Variants in COQ8A observed in about 807,000 individuals in gnomAD.
COQ8A encodes atypical kinase COQ8A, mitochondrial.
A neutral mutation model predicts 65.0 loss-of-function variants in COQ8A; 51 were observed. That is an observed-to-expected ratio of 0.78 (90% CI 0.63 to 0.99). The LOEUF is 0.99. Ranked by LOEUF, COQ8A falls within the 50% of genes least tolerant of loss-of-function variation. COQ8A has a pLI of 0.00. For missense variants in COQ8A, 940 were observed against 875.0 expected (o/e 1.07, Z -0.94); for synonymous variants, 371 against 353.2 (o/e 1.05, Z -0.57).
chr1:226,971,969 A>C (rs867932272), intron 4 of COQ8A, among the ~76,000 whole-genome samples: 9 of 152,130 alleles, frequency 5.9e-5, no homozygotes, highest in African/African-American at 9.7e-5. Context: ...CTCCAATTAC[A>C]CATATGTTAG....
intron 1 of COQ8A, among the ~76,000 whole-genome samples, chr1:226,951,137 G>A (rs1057182232): frequency 3.3e-5 from 5 of 152,174 alleles, no homozygotes; most frequent in African/African-American, 7.2e-5. Context: ...AGCAGCGTGC[G>A]TCCCTGTCTG....
At chr1:226,977,601 G>GCT in intron 5 of COQ8A, 78 bp downstream of exon 5, 1 of 1,469,654 alleles carries the variant, frequency 6.8e-7, no homozygotes, top group Non-Finnish European at 9.3e-7. Flanking sequence ...CCCCACCTGT[G>GCT]CTCTGGGAGT....
intron 1 of COQ8A, among the ~76,000 whole-genome samples, chr1:226,943,802 A>G (rs922075397): frequency 2.0e-5 from 3 of 152,170 alleles, no homozygotes; most frequent in Non-Finnish European, 2.9e-5. Flanking sequence ...CAATCAAGCT[A>G]TAGAACAATT....
chr1:226,983,294 T>C (rs1430365053), intron 8 of COQ8A: 1 of 669,062 alleles, frequency 1.5e-6, no homozygotes, highest in Non-Finnish European at 2.5e-6. Context: ...GACAAGTGAT[T>C]GCTTTTTGGG....
chr1:226,969,612 A>G (rs1051151916), intron 4 of COQ8A, among the ~76,000 whole-genome samples: 5 of 152,140 alleles, frequency 3.3e-5, no homozygotes, highest in African/African-American at 1.2e-4. Flanking sequence ...ATCTCTGTGA[A>G]AGTCCTCATT....
At chr1:226,981,241 G>A (rs1050056691) in intron 5 of COQ8A, among the ~76,000 whole-genome samples, 1 of 152,246 alleles carries the variant, frequency 6.6e-6, no homozygotes, top group Non-Finnish European at 1.5e-5. Context: ...AGGCAGCACT[G>A]AACTGATGGC....
intron 5 of COQ8A, among the ~76,000 whole-genome samples, chr1:226,979,282 C>T (rs1659549651): frequency 6.6e-6 from 1 of 152,184 alleles, no homozygotes; most frequent in African/African-American, 2.4e-5. Context: ...GGCATTCGTG[C>T]TGCTGTGATG....
chr1:226,958,550 A>G (rs1657949764), intron 1 of COQ8A, among the ~76,000 whole-genome samples: 1 of 152,178 alleles, frequency 6.6e-6, no homozygotes, highest in Non-Finnish European at 1.5e-5. Flanking sequence ...GCCCTGGGCC[A>G]GGGCAGGTTC....
chr1:226,960,375 GGTACTTGGTGGTGTCA>G (rs1170425343), intron 1 of COQ8A, among the ~76,000 whole-genome samples: 1 of 148,892 alleles, frequency 6.7e-6, no homozygotes, highest in African/African-American at 2.5e-5. Context: ...TGGTGGTGGT[GGTACTTGGTGGTGTCA>G]GTGGTGGTAC....
chr1:226,943,142 C>A lies in COQ8A; in HGVS notation c.-10+2743C>A, dbSNP rs116131214. Among the ~76,000 whole-genome samples, 638 of 152,304 alleles carry A rather than the reference C, an allele frequency of 4.2e-3. 5 individuals are homozygous for A. Among genetic ancestry groups the A allele is most frequent in the African/African-American group, 0.015 (613 of 41,572 alleles). On this transcript the variant is annotated intron_variant, in intron 1 of 14. Transcript: ENST00000366777. ...AAAGGATCAGGAAGGAAGGTCACTT[C>A]TCCTTTCTCAAAGAGAATTTTAAAG...
At chr1:226,974,028 G>A (rs374678363) in intron 4 of COQ8A, among the ~76,000 whole-genome samples, 12 of 152,322 alleles carry the variant, frequency 7.9e-5, no homozygotes, top group African/African-American at 2.9e-4. Context: ...TGCTAGGAAG[G>A]GCCCTGTTTG....
Position 226,982,804 on chromosome 1 carries a change from C to T in COQ8A, c.939+41C>T, listed in dbSNP as rs766832815. ...CTCTGCCCACTCTCTGTGGCCTCGGCCCCCACTGGGTGGAGGGGACAGACT... is the reference window on the plus strand; with the variant it reads ...CTCTGCCCACTCTCTGTGGCCTCGGTCCCCACTGGGTGGAGGGGACAGACT... On this transcript the variant is annotated intron_variant, in intron 7 of 14. Coordinates refer to ENST00000366777, the MANE Select transcript of COQ8A (RefSeq NM_020247.5). 2.5e-6 allele frequency: 4 copies of T among 1,612,870 alleles called. No homozygotes were observed. The African/African-American group carries it at 5.3e-5, about 22-fold the overall frequency.
chr1:226,984,767 C>G, intron 12 of COQ8A, 109 bp from the exon 13 acceptor site: 1 of 1,489,106 alleles, frequency 6.7e-7, no homozygotes, highest in East Asian at 2.3e-5. Flanking sequence ...GAGCTCAGGG[C>G]TCTGGGAGTG....
chr1:226,944,426 G>T (rs1405145392), intron 1 of COQ8A, among the ~76,000 whole-genome samples: 3 of 151,834 alleles, frequency 2.0e-5, no homozygotes, highest in African/African-American at 7.3e-5. Context: ...ATGATTGAAG[G>T]CAAAAGAAAA....
intron 5 of COQ8A, among the ~76,000 whole-genome samples, chr1:226,980,418 A>G (rs544366887): frequency 2.6e-4 from 39 of 152,322 alleles, no homozygotes; most frequent in Non-Finnish European, 4.9e-4. Context: ...ATGAGGAGAC[A>G]GACTGTCCCT....
chr1:226,969,338 G>A (rs145573204), intron 4 of COQ8A, among the ~76,000 whole-genome samples: 5,595 of 151,918 alleles, frequency 0.037, 365 homozygotes, highest in African/African-American at 0.13. Flanking sequence ...TTGCTCTGTC[G>A]CCCAGGCTGG....
rs749493001 is a variant in COQ8A, at chr1:226,965,213, C to T, written c.391C>T (p.Pro131Ser). Residue 131 changes from proline to serine, a missense_variant, in exon 3 of 15, where the codon CCC (proline) becomes TCC (serine). By Grantham distance (74) the Pro-to-Ser change is moderately conservative (BLOSUM62 -1). Transcript: ENST00000366777. The part of the protein sequence containing the change: ...ASGPFREAGF[P>S]GQASSPLGRA... ...TGGACCCTTTAGAGAAGCCGGGTTC[C>T]CCGGCCAGGCCTCCTCCCCTCTGGG... 13 of 1,613,694 alleles carry T rather than the reference C, an allele frequency of 8.1e-6. No individual in the cohort carries two copies. Among genetic ancestry groups the T allele is most frequent in the Non-Finnish European group, 8.5e-6 (10 of 1,179,988 alleles).
At chr1:226,950,992 G>A (rs761837052) in intron 1 of COQ8A, among the ~76,000 whole-genome samples, 10 of 152,226 alleles carry the variant, frequency 6.6e-5, no homozygotes, top group African/African-American at 1.2e-4. Context: ...GAGGCTGTGG[G>A]TACAGACCTG....
At chr1:226,984,385 C>T in intron 11 of COQ8A, 150 bp downstream of exon 11, 1 of 1,343,430 alleles carries the variant, frequency 7.4e-7, no homozygotes, top group Non-Finnish European at 1.0e-6. Flanking sequence ...CTTAGGGGGA[C>T]ACAGGGGAGC....
Sources: gnomAD v4.1 joint callset for allele counts (sites outside exome capture counted in the v4.1 genomes callset) on GRCh38, gnomAD v4.1.1 for gene constraint, MANE v1.5 for transcripts, NCBI Gene and HGNC (gene_info 2026-07-23, HGNC 2026-07-21) for gene names.